GALNT13: variants seen among roughly 807,000 people sequenced by gnomAD.
The protein encoded by GALNT13 is UDP-GalNAc:polypeptide N-acetylgalactosaminyltransferase 13.
In GALNT13, 28 loss-of-function variants were observed where a neutral mutation model predicts 64.2. The observed-to-expected ratio is 0.44, with a 90% CI of 0.32 to 0.60. GALNT13 has a LOEUF of 0.60. GALNT13 is among the 20% of genes least tolerant of loss of function. GALNT13 has a pLI of 0.05. For missense variants in GALNT13, 577 were observed against 669.8 expected (o/e 0.86, Z 1.53); for synonymous variants, 214 against 224.6 (o/e 0.95, Z 0.42).
the GALNT13 span, among the ~76,000 whole-genome samples, chr2:153,504,818 A>T: frequency 6.6e-6 from 1 of 152,070 alleles, no homozygotes; most frequent in East Asian, 1.9e-4. Context: ...ATCTATGTTC[A>T]TTAGGGATAT....
At chr2:154,159,525 A>G (rs1176564704) in intron 4 of GALNT13, among the ~76,000 whole-genome samples, 2 of 152,176 alleles carry the variant, frequency 1.3e-5, no homozygotes, top group African/African-American at 2.4e-5. Context: ...ATAAATGATG[A>G]TATATATTCT....
intron 1 of GALNT13, among the ~76,000 whole-genome samples, chr2:153,899,942 T>A (rs951758146): frequency 3.5e-5 from 5 of 141,542 alleles, no homozygotes; most frequent in African/African-American, 1.3e-4. Context: ...TATATTTTTT[T>A]TTTTTTTTTT....
At chr2:153,629,954 T>C in the GALNT13 span, among the ~76,000 whole-genome samples, 2 of 147,760 alleles carry the variant, frequency 1.4e-5, no homozygotes, top group African/African-American at 5.1e-5. Context: ...TGAGATATCA[T>C]CTCACACCAG....
chr2:154,350,900 T>C (rs1338746820), intron 9 of GALNT13, among the ~76,000 whole-genome samples: 1 of 152,142 alleles, frequency 6.6e-6, no homozygotes, highest in Non-Finnish European at 1.5e-5. Flanking sequence ...AGTTCTACTT[T>C]GAGAAGAATA....
chr2:153,829,452 A>C, the GALNT13 span, among the ~76,000 whole-genome samples: 3 of 152,030 alleles, frequency 2.0e-5, no homozygotes, highest in Non-Finnish European at 4.4e-5. Flanking sequence ...GTGCAGGGAA[A>C]CTTTCATTTT....
chr2:153,658,377 C>A, the GALNT13 span, among the ~76,000 whole-genome samples: 2 of 152,106 alleles, frequency 1.3e-5, no homozygotes, highest in African/African-American at 4.8e-5. Flanking sequence ...TTAGAAGTAG[C>A]ACTCATTAGT....
chr2:153,742,355 G>A, the GALNT13 span, among the ~76,000 whole-genome samples: 1 of 151,818 alleles, frequency 6.6e-6, no homozygotes, highest in East Asian at 1.9e-4. Flanking sequence ...ACTTCATTGT[G>A]TATATATATA....
chr2:153,935,195 C>T (rs188487678), intron 2 of GALNT13, among the ~76,000 whole-genome samples: 132 of 152,232 alleles, frequency 8.7e-4, no homozygotes, highest in Middle Eastern at 3.4e-3. Context: ...TCTATAAAGC[C>T]AAACTGTGGT....
At chr2:153,573,771 T>G in the GALNT13 span, among the ~76,000 whole-genome samples, 1 of 152,142 alleles carries the variant, frequency 6.6e-6, no homozygotes, top group Non-Finnish European at 1.5e-5. Flanking sequence ...CTTTTATTTC[T>G]GTTTCTATTT....
chr2:154,247,724 C>T (rs973897589), intron 7 of GALNT13, among the ~76,000 whole-genome samples: 16 of 151,996 alleles, frequency 1.1e-4, no homozygotes, highest in African/African-American at 3.9e-4. Context: ...GGTTGTATTG[C>T]AGTAATATGA....
the GALNT13 span, among the ~76,000 whole-genome samples, chr2:153,395,519 AACTC>A: frequency 6.6e-6 from 1 of 152,058 alleles, no homozygotes; most frequent in Admixed American, 6.6e-5. Context: ...TATTTCCAGA[AACTC>A]ACTCTTGTAG....
At chr2:154,295,600 T>TGACCTGAGATGATTGGCC (rs1692878696) in intron 8 of GALNT13, among the ~76,000 whole-genome samples, 1 of 152,098 alleles carries the variant, frequency 6.6e-6, no homozygotes, top group Non-Finnish European at 1.5e-5. Flanking sequence ...TTCAAACTCC[T>TGACCTGAGATGATTGGCC]GACCTGAGAT....
chr2:153,259,771 A>G, the GALNT13 span, among the ~76,000 whole-genome samples: 1 of 152,104 alleles, frequency 6.6e-6, no homozygotes, highest in African/African-American at 2.4e-5. Flanking sequence ...TTTCCTTATA[A>G]ATTACCCAGT....
chr2:153,403,048 T>A, the GALNT13 span, among the ~76,000 whole-genome samples: 3 of 150,976 alleles, frequency 2.0e-5, no homozygotes, highest in Non-Finnish European at 4.5e-5. Context: ...TTTTTCCCCA[T>A]CTTTGTGGTT....
intron 3 of GALNT13, among the ~76,000 whole-genome samples, chr2:153,977,660 C>T (rs544347352): frequency 6.6e-6 from 1 of 151,930 alleles, no homozygotes; most frequent in Admixed American, 6.6e-5. Flanking sequence ...AAGTGTAGTT[C>T]TCAAACCAGC....
At chr2:153,096,674 A>G in the GALNT13 span, among the ~76,000 whole-genome samples, 7 of 152,152 alleles carry the variant, frequency 4.6e-5, no homozygotes, top group African/African-American at 1.4e-4. Context: ...TAATGTAAGT[A>G]TAGTGACTCC....
At chr2:153,796,938 C>A in the GALNT13 span, among the ~76,000 whole-genome samples, 2 of 152,128 alleles carry the variant, frequency 1.3e-5, no homozygotes, top group Non-Finnish European at 2.9e-5. Flanking sequence ...TTTATCTTCT[C>A]CCACGTGTTT....
intron 4 of GALNT13, chr2:154,236,095 A>G: frequency 1.7e-6 from 2 of 1,183,144 alleles, no homozygotes; most frequent in South Asian, 1.6e-5. Context: ...GACAGAAGAG[A>G]TTGTAAAAGA....
chr2:153,470,368 T>C, the GALNT13 span, among the ~76,000 whole-genome samples: 1 of 152,138 alleles, frequency 6.6e-6, no homozygotes, highest in Non-Finnish European at 1.5e-5. Flanking sequence ...CACTGGTCAT[T>C]GACTGAGTAC....
Sources: allele counts gnomAD v4.1 joint callset (sites outside exome capture counted in the v4.1 genomes callset), GRCh38; gene constraint gnomAD v4.1.1; transcripts MANE v1.5; gene names NCBI Gene and HGNC (gene_info 2026-07-23, HGNC 2026-07-21).